AK9: variants seen among roughly 807,000 people sequenced by gnomAD.
The protein encoded by AK9 is adenylate kinase domain containing 1.
AK9 carries 191 observed loss-of-function variants against 239.6 expected under a neutral mutation model. That is an observed-to-expected ratio of 0.80 (90% CI 0.71 to 0.90). The LOEUF (loss-of-function observed/expected upper bound fraction) is 0.90. Among genes scored for constraint, AK9 ranks in the 40% least tolerant of loss-of-function variants. The probability of loss-of-function intolerance (pLI) is 0.00; values close to 1 mark genes in which losing one functional copy is unlikely to be tolerated. For synonymous variants in AK9, 689 were observed against 721.0 expected, an observed-to-expected ratio of 0.96 and a Z score of 0.71; for missense variants, 1,995 against 2,214.7, an observed-to-expected ratio of 0.90 and a Z score of 1.99.
chr6:109,500,790 G>A (rs987439155), intron 35 of AK9, among the ~76,000 whole-genome samples: 36 of 152,096 alleles, frequency 2.4e-4, no homozygotes, highest in African/African-American at 8.7e-4. Flanking sequence ...GGCTGAGGTG[G>A]GTAGATCGCT....
intron 12 of AK9, among the ~76,000 whole-genome samples, chr6:109,626,130 G>A (rs908869944): frequency 6.6e-6 from 1 of 151,964 alleles, no homozygotes; most frequent in East Asian, 1.9e-4. Context: ...TCAGTAAAAC[G>A]TTCAGTTTGG....
At chr6:109,570,286 G>T (rs1034670109) in intron 21 of AK9, among the ~76,000 whole-genome samples, 7 of 152,014 alleles carry the variant, frequency 4.6e-5, no homozygotes, top group African/African-American at 7.3e-5. Context: ...GTCGTGGGGT[G>T]GGGGAAGGGG....
At chr6:109,613,525 G>A (rs76994278) in intron 15 of AK9, among the ~76,000 whole-genome samples, 4,365 of 151,970 alleles carry the variant, frequency 0.029, 99 homozygotes, top group East Asian at 0.11. Flanking sequence ...ATTTGACTCT[G>A]TCTATAGCTT....
chr6:109,569,085 T>C (rs1449834931), intron 21 of AK9, among the ~76,000 whole-genome samples: 2 of 152,092 alleles, frequency 1.3e-5, no homozygotes, highest in East Asian at 1.9e-4. Flanking sequence ...AACAGAGATA[T>C]AGACCAGTGG....
intron 7 of AK9, 92 bp from the exon 8 acceptor site, chr6:109,656,976 T>C: frequency 7.6e-6 from 11 of 1,451,010 alleles, no homozygotes; most frequent in East Asian, 2.3e-5. Flanking sequence ...CTAGATATCA[T>C]TTTGGGGTGA....
chr6:109,499,188 A>G lies in AK9; in HGVS notation c.4902T>C (p.Ser1634=). 6.3e-7 allele frequency: 1 copy of G among 1,596,638 alleles called. No homozygotes were observed. The highest frequency in any genetic ancestry group is 8.5e-7 in the Non-Finnish European group (1 of 1,170,748). Residue 1634 remains serine, a synonymous_variant, in exon 36 of 41, where the codon TCT becomes TCC. Transcript: ENST00000424296. ...KLCITPQELL[S]RLGEFEQFCP... Reference sequence around the variant, plus strand: ...AGAACTGTTCAAATTCTCCCAGGCGAGAAAGCAGCTCTTGAGGTGTGATAC... The same window carrying G: ...AGAACTGTTCAAATTCTCCCAGGCGGGAAAGCAGCTCTTGAGGTGTGATAC...
At position 109,506,441 on chromosome 6, in the gene AK9, T is replaced by C. The variant is rs1292810365; in HGVS notation, c.4735A>G (p.Asn1579Asp). The change falls in exon 35 of 41, where the codon AAC (asparagine) becomes GAC (aspartate). Residue 1579 changes from asparagine (N) to aspartate (D), a missense_variant. This residue lies in a region of AK9 where 391 missense variants were observed against 456.0 expected (regional missense o/e 0.86). Transcript: ENST00000424296. ...TGAAATCCATCAATCACATACCAGT[T>C]CTGATGCTGTTCTTGATAATATTGC... is the stretch of plus-strand genomic sequence containing the variant. ...IRQYYQEQHQ[N>D]WYVIDGFHSK... The C allele has an allele frequency of 6.2e-7, 1 of 1,613,802 alleles. No individual in the cohort carries two copies.
intron 27 of AK9, 75 bp from the exon 28 acceptor site, chr6:109,533,545 T>C (rs2128135881): frequency 8.2e-7 from 1 of 1,225,872 alleles, no homozygotes; most frequent in East Asian, 2.5e-5. Context: ...TTGACTGTAA[T>C]GATCATTATA....
intron 25 of AK9, 55 bp downstream of exon 25, chr6:109,550,035 T>C: frequency 6.5e-7 from 1 of 1,542,236 alleles, no homozygotes; most frequent in South Asian, 1.2e-5. Flanking sequence ...TGATTGGTAA[T>C]CAGTCCCAAA....
intron 20 of AK9, among the ~76,000 whole-genome samples, chr6:109,578,641 A>G (rs760236755): frequency 6.6e-6 from 1 of 151,850 alleles, no homozygotes; most frequent in Non-Finnish European, 1.5e-5. Context: ...TAGATTGTCT[A>G]TTTGTGTTCT....
intron 13 of AK9, among the ~76,000 whole-genome samples, chr6:109,617,927 T>C (rs1394890819): frequency 6.6e-6 from 1 of 152,178 alleles, no homozygotes; most frequent in Non-Finnish European, 1.5e-5. Context: ...CCTCTGAGTT[T>C]CTTCAACCAC....
At position 109,506,748 on chromosome 6, in the gene AK9, C is replaced by T; in HGVS notation, c.4534G>A (p.Ala1512Thr). The T allele has an allele frequency of 6.5e-7, 1 of 1,527,034 alleles. No homozygotes were observed. Among genetic ancestry groups the T allele is most frequent in the Middle Eastern group, 1.7e-4 (1 of 5,908 alleles). 94.6% of individuals were successfully genotyped at this position (1,527,034 alleles called of 1,614,324 possible). The change falls in exon 34 of 41, where the codon GCT becomes ACT. Residue 1512 changes from alanine to threonine, a missense_variant. By Grantham distance (58) the Ala-to-Thr change is moderately conservative (BLOSUM62 0). This residue lies in a region of AK9 where 45 missense variants were observed against 80.5 expected (regional missense o/e 0.56). Coordinates refer to ENST00000424296, the MANE Select transcript of AK9 (RefSeq NM_001145128.3). Reference sequence around the variant, plus strand: ...ATGACCATGGGAATGATTGACCTAGCTTCCAAGAGATTCATTTGATGTTTA... The same window carrying T: ...ATGACCATGGGAATGATTGACCTAGTTTCCAAGAGATTCATTTGATGTTTA... ...VTKHQMNLLE[A>T]RSIIPMVIFE...
rs891776385 is a variant in AK9 at position 109,673,970 on chromosome 6, C to CA, written c.181+227dup. ...GCAACAAAGCAAGACCATGTCTCTA[C>CA]AAAAAAAAAAAATAATAATTAATTA... On this transcript the variant is annotated intron_variant, in intron 3 of 40. Transcript: ENST00000424296. Among the ~76,000 whole-genome samples the CA allele has an allele frequency of 8.1e-3, 802 of 99,054 alleles. 6 individuals are homozygous for CA. Among genetic ancestry groups the CA allele is most frequent in the African/African-American group, 0.024 (660 of 27,016 alleles). 65.0% of individuals were successfully genotyped at this position (99,054 alleles called of 152,430 possible). A position where few individuals can be genotyped will look rare whatever the true frequency, so the allele number is the denominator to read the frequency against.
chr6:109,614,521 G>A (rs973372054), intron 13 of AK9, 41 bp from the exon 14 acceptor site: 1 of 1,513,670 alleles, frequency 6.6e-7, no homozygotes. Flanking sequence ...AACGTAGTTG[G>A]GGATAGAAAA....
chr6:109,603,490 G>A (rs987698523), intron 17 of AK9, among the ~76,000 whole-genome samples: 7 of 152,180 alleles, frequency 4.6e-5, no homozygotes, highest in Non-Finnish European at 5.9e-5. Flanking sequence ...CTACTGGGGG[G>A]TGCCTCCCAG....
chr6:109,660,760 C>G (rs1194317900), intron 6 of AK9, among the ~76,000 whole-genome samples: 1 of 152,044 alleles, frequency 6.6e-6, no homozygotes, highest in African/African-American at 2.4e-5. Context: ...CTCAGTGTCA[C>G]CTGGAGGGCT....
At chr6:109,677,722 A>G (rs1031600560) in intron 1 of AK9, among the ~76,000 whole-genome samples, 1 of 152,254 alleles carries the variant, frequency 6.6e-6, no homozygotes, top group African/African-American at 2.4e-5. Flanking sequence ...AAAAGTCAAC[A>G]GGAAAAAAAT....
chr6:109,674,208 A>G lies in AK9; in HGVS notation c.171T>C (p.Ile57=). The change falls in exon 3 of 41, where the codon ATT becomes ATC. Residue 57 remains isoleucine, a synonymous_variant. Coordinates refer to ENST00000424296, the MANE Select transcript of AK9 (RefSeq NM_001145128.3). ...AAAGATAAAATTTACCTTCAACACG[A>G]ATACATTTCCATGCCTGTGTTATGT... ...ARYITQAWKC[I]RVEALPILEE... The G allele has an allele frequency of 6.3e-7, 1 of 1,579,512 alleles. No homozygotes were observed. The highest frequency in any genetic ancestry group is 1.4e-5 in the African/African-American group (1 of 73,574).
At chr6:109,659,809 T>TA (rs949320279) in intron 6 of AK9, among the ~76,000 whole-genome samples, 6 of 152,172 alleles carry the variant, frequency 3.9e-5, no homozygotes, top group African/African-American at 1.4e-4. Flanking sequence ...ATATTTCCAA[T>TA]AAAATATATT....
Sources: gnomAD v4.1 joint callset for allele counts (sites outside exome capture counted in the v4.1 genomes callset) on GRCh38, gnomAD v4.1.1 for gene constraint, gnomAD v4.1.1 regional missense constraint, MANE v1.5 for transcripts, NCBI Gene and HGNC (gene_info 2026-07-23, HGNC 2026-07-21) for gene names.